The following HERPUD2 variants were observed in gnomAD, a reference collection of about 807,000 sequenced individuals.
HERPUD2 encodes the protein HERPUD family member 2.
A neutral mutation model predicts 49.9 loss-of-function variants in HERPUD2; 13 were observed. That is an observed-to-expected ratio of 0.26 (90% CI 0.17 to 0.41). HERPUD2 has a LOEUF of 0.41. Ranked by LOEUF, HERPUD2 falls within the 10% of genes least tolerant of loss-of-function variation. HERPUD2 has a pLI of 1.00. For missense variants in HERPUD2, 449 were observed against 492.2 expected, an observed-to-expected ratio of 0.91 and a Z score of 0.83; for synonymous variants, 172 against 171.4, an observed-to-expected ratio of 1.00 and a Z score of -0.03.
chr7:35,685,702 G>A (rs1304344774), intron 2 of HERPUD2, among the ~76,000 whole-genome samples: 1 of 152,046 alleles, frequency 6.6e-6, no homozygotes, highest in Non-Finnish European at 1.5e-5. Flanking sequence ...TCAGGGCTGG[G>A]TGCAGTGGTT....
At chr7:35,683,172 T>C (rs541197997) in intron 2 of HERPUD2, among the ~76,000 whole-genome samples, 7 of 152,258 alleles carry the variant, frequency 4.6e-5, no homozygotes, top group Admixed American at 3.9e-4. Flanking sequence ...TTTCAAACTA[T>C]ACTACAAGGC....
At chr7:35,666,986 A>G (rs181955563) in intron 5 of HERPUD2, among the ~76,000 whole-genome samples, 15 of 152,354 alleles carry the variant, frequency 9.8e-5, no homozygotes, top group African/African-American at 3.6e-4. Flanking sequence ...TCTTTCAAGT[A>G]TACCTTCACT....
intron 5 of HERPUD2, among the ~76,000 whole-genome samples, chr7:35,664,839 T>A (rs1376064006): frequency 1.3e-5 from 2 of 152,210 alleles, no homozygotes; most frequent in East Asian, 1.9e-4. Flanking sequence ...GGTTCAAACA[T>A]CCTCCTTTAG....
At chr7:35,675,786 G>A (rs1439153106) in intron 2 of HERPUD2, among the ~76,000 whole-genome samples, 1 of 151,980 alleles carries the variant, frequency 6.6e-6, no homozygotes, top group Non-Finnish European at 1.5e-5. Context: ...TGTAGAGACG[G>A]GGTCTCACTC....
chr7:35,679,188 T>C (rs201904475), intron 2 of HERPUD2, among the ~76,000 whole-genome samples: 5 of 152,196 alleles, frequency 3.3e-5, no homozygotes, highest in South Asian at 4.1e-4. Context: ...ATCCAGATTA[T>C]TGATAATATT....
intron 4 of HERPUD2, among the ~76,000 whole-genome samples, chr7:35,669,042 C>T (rs954533070): frequency 8.6e-5 from 13 of 152,004 alleles, no homozygotes; most frequent in Non-Finnish European, 4.4e-5. Context: ...ACTAATGACA[C>T]AAAATCATGG....
rs754720178 is a variant in HERPUD2 at position 35,633,842 on chromosome 7, T to C, written c.1069A>G (p.Met357Val). The C allele has an allele frequency of 3.7e-6, 6 of 1,613,170 alleles. No homozygotes were observed. The highest frequency in any genetic ancestry group is 1.3e-5 in the African/African-American group (1 of 75,006). The change falls in exon 9 of 9, where the codon ATG (methionine) becomes GTG (valine). Residue 357 changes from methionine (M) to valine (V), a missense_variant. By Grantham distance (21) the Met-to-Val change is conservative. Coordinates refer to ENST00000311350, the MANE Select transcript of HERPUD2 (RefSeq NM_022373.5). ...CTCTCATCTTCAAGCCCATCATCCA[T>C]AAGACGCTCCTTTCAAGCAAAACAA... is the stretch of plus-strand genomic sequence containing the variant. Reference protein sequence around the residue: ...NLELEEMERLMDDGLEDESGE... With the variant: ...NLELEEMERLVDDGLEDESGE...
intron 6 of HERPUD2, among the ~76,000 whole-genome samples, chr7:35,637,891 G>A (rs1406423385): frequency 6.6e-6 from 1 of 152,180 alleles, no homozygotes; most frequent in East Asian, 1.9e-4. Context: ...AATGAGTTGA[G>A]GAGAATGAAG....
rs556593924 is a variant in HERPUD2 at position 35,682,307 on chromosome 7, A to C, written c.148-9029T>G. 4.5e-4 allele frequency among the ~76,000 whole-genome samples: 22 copies of C among 48,828 alleles called. 1 individual carries two copies. The highest frequency in any genetic ancestry group is 1.7e-3 in the Admixed American group (8 of 4,684). 32.0% of individuals were successfully genotyped at this position (48,828 alleles called of 152,430 possible). On this transcript the variant is annotated intron_variant, in intron 2 of 8. Coordinates refer to ENST00000311350, the MANE Select transcript of HERPUD2 (RefSeq NM_022373.5). ...TACACACGTGTGTGTGTGTATATAT[A>C]GATATATACACATACACACGTGTGT...
rs550476124 is a variant in HERPUD2, at chr7:35,649,167, C to T, written c.495-10695G>A. 2.1e-4 allele frequency among the ~76,000 whole-genome samples: 32 copies of T among 151,468 alleles called. No homozygotes were observed. The South Asian group carries it at 5.8e-3, about 28-fold the overall frequency. On this transcript the variant is annotated intron_variant, in intron 5 of 8. Transcript: ENST00000311350. ...TTGGGAGGCTAAGGCAGGAGAATGG[C>T]GTGAACCTGGGAGGCAGAGCTTGCA...
chr7:35,688,390 G>C (rs1465992346), intron 2 of HERPUD2, among the ~76,000 whole-genome samples: 2 of 152,160 alleles, frequency 1.3e-5, no homozygotes, highest in Non-Finnish European at 2.9e-5. Flanking sequence ...ACTCCAAAGA[G>C]ATATTCCCAG....
At chr7:35,662,149 T>C (rs1305954119) in intron 5 of HERPUD2, among the ~76,000 whole-genome samples, 1 of 152,252 alleles carries the variant, frequency 6.6e-6, no homozygotes, top group Non-Finnish European at 1.5e-5. Context: ...TTTCTGTCTT[T>C]AGTTCTGTTT....
intron 2 of HERPUD2, among the ~76,000 whole-genome samples, chr7:35,685,418 G>T (rs1208720047): frequency 6.6e-6 from 1 of 150,562 alleles, no homozygotes; most frequent in Non-Finnish European, 1.5e-5. Context: ...CCGCCTCCCA[G>T]GCTTAAGCAA....
chr7:35,636,155 C>T (rs1346817402), intron 6 of HERPUD2, among the ~76,000 whole-genome samples: 1 of 152,168 alleles, frequency 6.6e-6, no homozygotes, highest in Non-Finnish European at 1.5e-5. Context: ...AATTATCCAA[C>T]AGAAGGAAGA....
intron 3 of HERPUD2, among the ~76,000 whole-genome samples, chr7:35,671,874 A>G (rs934831844): frequency 3.9e-5 from 6 of 151,962 alleles, no homozygotes; most frequent in African/African-American, 1.2e-4. Flanking sequence ...TAATATATCT[A>G]TATTTCAAAG....
intron 5 of HERPUD2, among the ~76,000 whole-genome samples, chr7:35,646,994 A>C (rs1480366681): frequency 6.6e-6 from 1 of 152,176 alleles, no homozygotes; most frequent in East Asian, 1.9e-4. Context: ...ACCAAGAAGG[A>C]GAAAGACTGT....
chr7:35,684,374 A>G (rs1785984970), intron 2 of HERPUD2, among the ~76,000 whole-genome samples: 1 of 151,870 alleles, frequency 6.6e-6, no homozygotes, highest in Admixed American at 6.6e-5. Context: ...TGGGTGATGG[A>G]GCAAGACTCC....
intron 5 of HERPUD2, among the ~76,000 whole-genome samples, chr7:35,649,170 G>A (rs900402813): frequency 2.6e-5 from 4 of 151,716 alleles, no homozygotes; most frequent in African/African-American, 9.7e-5. Context: ...AGAATGGCGT[G>A]AACCTGGGAG....
intron 4 of HERPUD2, among the ~76,000 whole-genome samples, chr7:35,669,626 A>G (rs1010752461): frequency 1.3e-5 from 2 of 152,210 alleles, no homozygotes; most frequent in Non-Finnish European, 2.9e-5. Flanking sequence ...CAACTATTAC[A>G]AAACATTTCC....
Sources: allele counts gnomAD v4.1 joint callset (sites outside exome capture counted in the v4.1 genomes callset), GRCh38; gene constraint gnomAD v4.1.1; transcripts MANE v1.5; gene names NCBI Gene and HGNC (gene_info 2026-07-23, HGNC 2026-07-21).